The following MGAM variants were observed in gnomAD, a reference collection of about 807,000 sequenced individuals.
MGAM encodes the protein maltase-glucoamylase, also known as alpha-1,4-glucosidase.
A neutral mutation model predicts 358.8 loss-of-function variants in MGAM; 253 were observed. The observed-to-expected ratio is 0.71, with a 90% CI of 0.64 to 0.78. The LOEUF is 0.78. Ranked by LOEUF, MGAM falls within the 30% of genes least tolerant of loss-of-function variation. MGAM has a pLI of 0.00. For missense variants in MGAM, 3,080 were observed against 3,432.6 expected, an observed-to-expected ratio of 0.90 and a Z score of 2.57; for synonymous variants, 1,105 against 1,227.1, an observed-to-expected ratio of 0.90 and a Z score of 2.08.
Position 142,027,645 on chromosome 7 carries a change from G to A in MGAM, c.1131G>A (p.Ala377=), listed in dbSNP as rs1554461448. The A allele has an allele frequency of 1.1e-5, 17 of 1,613,716 alleles. No homozygotes were observed. The highest frequency in any genetic ancestry group is 1.7e-5 in the Admixed American group (1 of 59,990). ...IGRPALPSYW[A]LGFHLSRYEY... is the part of the protein sequence containing the mutation. ...GGCCAGCCCTTCCCTCCTACTGGGC[G>A]CTTGGATTTCACCTCAGTCGTTACG... Residue 377 remains alanine (A), a synonymous_variant, in exon 10 of 71, where the codon GCG becomes GCA. Transcript: ENST00000475668.
At chr7:142,026,427 G>T (rs78852703) in intron 8 of MGAM, among the ~76,000 whole-genome samples, 4,157 of 152,224 alleles carry the variant, frequency 0.027, 142 homozygotes, top group African/African-American at 0.076. Flanking sequence ...AGAAAAGACA[G>T]AATTTATTTA....
In MGAM at chr7:142,078,380, A is replaced by G; in HGVS notation, c.5556A>G (p.Ile1852Met). The G allele has an allele frequency of 6.6e-7, 1 of 1,523,672 alleles. No individual in the cohort carries two copies. Among genetic ancestry groups the G allele is most frequent in the Non-Finnish European group, 9.0e-7 (1 of 1,114,358 alleles). The allele number at this position is 1,523,672 out of a possible 1,614,324, so 94.4% of individuals were successfully genotyped here. A position where few individuals can be genotyped will look rare whatever the true frequency, so the allele number is the denominator to read the frequency against. Reference protein sequence around the residue: ...LGEAYTVEWSIKIRDEEKIDC... With the variant: ...LGEAYTVEWSMKIRDEEKIDC... ...AAGCATACACAGTGGAGTGGAGCAT[A>G]AAGATAAGGGATGAAGAAAAAATAG... Residue 1852 changes from isoleucine to methionine, a missense_variant, in exon 48 of 71, where the codon ATA becomes ATG. Ile to Met is a conservative substitution (Grantham distance 10, BLOSUM62 1). Transcript: ENST00000475668.
chr7:142,032,795 T>G (rs1584950716), intron 13 of MGAM, 30 bp from the exon 14 acceptor site: 1 of 1,428,430 alleles, frequency 7.0e-7, no homozygotes. Context: ...TGTTACTTTT[T>G]CTTAATAGTT....
intron 28 of MGAM, 99 bp from the exon 29 acceptor site, chr7:142,055,901 A>G: frequency 6.9e-7 from 1 of 1,458,522 alleles, no homozygotes; most frequent in Non-Finnish European, 9.4e-7. Context: ...AGTTTCATGG[A>G]GAAAACTAGA....
Position 142,064,462 on chromosome 7 carries a change from T to C in MGAM, c.4424T>C (p.Leu1475Pro), listed in dbSNP as rs3087318. The C allele has an allele frequency of 2.4e-5, 38 of 1,594,986 alleles. No individual in the cohort carries two copies. The highest frequency in any genetic ancestry group is 1.7e-4 in the Middle Eastern group (1 of 6,060). ...ESQQILPDGS[L>P]VQHYNVHNLY... ...CAGCAGATCCTCCCAGACGGCTCCC[T>C]GGTGCAGCACTACAACGTGCACAAC... The change falls in exon 37 of 71, where the codon CTG becomes CCG. Residue 1475 changes from leucine (L) to proline (P), a missense_variant. Leu to Pro is a moderately conservative substitution (Grantham distance 98). Transcript: ENST00000475668.
Position 142,086,705 on chromosome 7 carries a change from C to T in MGAM, c.6798C>T (p.Asp2266=). The change falls in exon 57 of 71, where the codon GAC becomes GAT. Residue 2266 remains aspartate, a synonymous_variant. Transcript: ENST00000475668. ...TTGTGAATGGGTCTCTAGACTGGGACAGTCAAGTGGAGGTAAAGGGTCTTT... is the reference window on the plus strand; with the variant it reads ...TTGTGAATGGGTCTCTAGACTGGGATAGTCAAGTGGAGGTAAAGGGTCTTT... ...DVVVNGSLDW[D]SQVELYRAYV... The T allele has an allele frequency of 1.8e-6, 2 of 1,114,946 alleles. 1 individual carries two copies. The highest frequency in any genetic ancestry group is 2.5e-6 in the Non-Finnish European group (2 of 807,644). 69.1% of individuals were successfully genotyped at this position (1,114,946 alleles called of 1,614,324 possible).
In MGAM at chr7:142,034,309, G is replaced by A. The variant is rs1807778678; in HGVS notation, c.1717G>A (p.Val573Met). 2 of 1,599,970 alleles carry A rather than the reference G, an allele frequency of 1.3e-6. No homozygotes were observed. The highest frequency in any genetic ancestry group is 1.7e-6 in the Non-Finnish European group (2 of 1,173,112). Residue 573 changes from valine (V) to methionine (M), a missense_variant, in exon 15 of 71, where the codon GTG becomes ATG. Val to Met is a conservative substitution (Grantham distance 21). This residue lies in a region of MGAM where 1,816 missense variants were observed against 1,840.5 expected (regional missense o/e 0.99). Coordinates refer to ENST00000475668, the MANE Select transcript of MGAM (RefSeq NM_001365693.1). ...CTGCAAGACTCTCTGTATGGATGCA[G>A]TGCAGCACTGGGGCAAGCAGTATGA... ...LFCKTLCMDA[V>M]QHWGKQYDIH...
chr7:142,068,780 G>T (rs1813073794), intron 43 of MGAM, 77 bp downstream of exon 43: 1 of 1,191,764 alleles, frequency 8.4e-7, no homozygotes. Context: ...TAGACCTTAG[G>T]TCAAATGCTG....
At chr7:142,031,912 A>G (rs1807534434) in intron 13 of MGAM, 119 bp downstream of exon 13, 3 of 637,210 alleles carry the variant, frequency 4.7e-6, no homozygotes, top group African/African-American at 1.8e-5. Flanking sequence ...AAGTATAACA[A>G]TCACTCTCAA....
rs577472860 is a variant in MGAM, at chr7:142,047,778, C to T, written c.2499-7C>T. On this transcript the variant is annotated splice_polypyrimidine_tract_variant and splice_region_variant and intron_variant, in intron 21 of 70. Coordinates refer to ENST00000475668, the MANE Select transcript of MGAM (RefSeq NM_001365693.1). ...TGTCTTTGTGTCTTGAATCTTGTTC[C>T]CCACAGTCGAAAGAACCCTCTTGGT... 5 of 1,609,710 alleles carry T rather than the reference C, an allele frequency of 3.1e-6. No individual in the cohort carries two copies. In the South Asian group the frequency reaches 4.4e-5, roughly 14 times the overall value.
intron 50 of MGAM, 91 bp downstream of exon 50, chr7:142,081,036 A>G: frequency 9.0e-7 from 1 of 1,117,312 alleles, no homozygotes; most frequent in Non-Finnish European, 1.3e-6. Context: ...GGTTCAAAAC[A>G]TCACATTGTC....
chr7:142,047,102 G>A lies in MGAM; in HGVS notation c.2499-683G>A, dbSNP rs532686590. Among the ~76,000 whole-genome samples, 16 of 152,252 alleles carry A rather than the reference G, an allele frequency of 1.1e-4. No homozygotes were observed. In the East Asian group the frequency reaches 3.1e-3, roughly 29 times the overall value. ...CAGTGACAGAGGAGAAACAAGAAGA[G>A]CAGGAAACTGGGAGGTTGCTTAGAG... On this transcript the variant is annotated intron_variant, in intron 21 of 70. Coordinates refer to ENST00000475668, the MANE Select transcript of MGAM (RefSeq NM_001365693.1).
Position 142,055,687 on chromosome 7 carries a change from G to T in MGAM, c.3444G>T (p.Trp1148Cys). ...GGTCCTATAGGAGAGACTTGGAGTG[G>T]CACACTTGGGGGATGTTCTCCCGAG... ...EHRSYRRDLE[W>C]HTWGMFSRDQ... The change falls in exon 28 of 71, where the codon TGG becomes TGT. Residue 1148 changes from tryptophan to cysteine, a missense_variant. Trp to Cys is a radical substitution (Grantham distance 215). This residue lies in a region of MGAM where 1,816 missense variants were observed against 1,840.5 expected (regional missense o/e 0.99). Coordinates refer to ENST00000475668, the MANE Select transcript of MGAM (RefSeq NM_001365693.1). 6.2e-7 allele frequency: 1 copy of T among 1,613,898 alleles called. No homozygotes were observed. The highest frequency in any genetic ancestry group is 8.5e-7 in the Non-Finnish European group (1 of 1,179,874).
Position 142,065,789 on chromosome 7 carries a change from C to G in MGAM, c.4728C>G (p.Ala1576=). ...EMCVRWMQLG[A]FYPFSRNHNT... The stretch of plus-strand genomic sequence containing the variant: ...GTGTTCGCTGGATGCAGCTGGGGGC[C>G]TTTTACCCCTTCTCAAGAAACCACA... The change falls in exon 40 of 71, where the codon GCC becomes GCG. Residue 1576 remains alanine, a synonymous_variant. Coordinates refer to ENST00000475668, the MANE Select transcript of MGAM (RefSeq NM_001365693.1). The G allele has an allele frequency of 6.4e-7, 1 of 1,556,144 alleles. No homozygotes were observed. The highest frequency in any genetic ancestry group is 8.8e-7 in the Non-Finnish European group (1 of 1,132,602).
chr7:141,995,089 T>G (rs553435365), upstream of MGAM, among the ~76,000 whole-genome samples: 1 of 152,322 alleles, frequency 6.6e-6, no homozygotes, highest in South Asian at 2.1e-4. Context: ...TAGCAAAGTC[T>G]AAGCCCCTAC....
At chr7:142,031,048 C>T (rs1174408207) in intron 12 of MGAM, among the ~76,000 whole-genome samples, 3 of 152,094 alleles carry the variant, frequency 2.0e-5, no homozygotes, top group Non-Finnish European at 4.4e-5. Flanking sequence ...TGGTCTCCTT[C>T]CTTCCCCCCT....
chr7:142,035,419 G>A (rs1807897492), intron 16 of MGAM, among the ~76,000 whole-genome samples: 3 of 152,082 alleles, frequency 2.0e-5, no homozygotes, highest in Admixed American at 2.0e-4. Flanking sequence ...AAGACCAACA[G>A]GGACGTATGA....
intron 26 of MGAM, among the ~76,000 whole-genome samples, chr7:142,053,543 A>G (rs28497852): frequency 0.66 from 100,950 of 152,012 alleles, 34,053 homozygotes; most frequent in African/African-American, 0.78. Flanking sequence ...GGCCATCAAT[A>G]TGCAGTAATT....
In MGAM at chr7:142,033,120, A is replaced by C. The variant is rs143603525; in HGVS notation, c.1669+211A>C. ...TGCACAAATTCAAAAGGGGCAATCT[A>C]GTACTTCTACTTATACTCAAAGCTA... On this transcript the variant is annotated intron_variant, in intron 14 of 70. Coordinates refer to ENST00000475668, the MANE Select transcript of MGAM (RefSeq NM_001365693.1). Among the ~76,000 whole-genome samples the C allele has an allele frequency of 9.2e-5, 14 of 152,344 alleles. No homozygotes were observed. In the East Asian group the frequency reaches 2.7e-3, roughly 29 times the overall value.
Sources: gnomAD v4.1 joint callset for allele counts (sites outside exome capture counted in the v4.1 genomes callset) on GRCh38, gnomAD v4.1.1 for gene constraint, gnomAD v4.1.1 regional missense constraint, MANE v1.5 for transcripts, NCBI Gene and HGNC (gene_info 2026-07-23, HGNC 2026-07-21) for gene names.